Variants in TRPM6 observed in about 807,000 individuals in gnomAD.
TRPM6 encodes the protein channel kinase 2.
TRPM6 carries 111 observed loss-of-function variants against 247.6 expected under a neutral mutation model. That is an observed-to-expected ratio of 0.45 (90% CI 0.38 to 0.52). The LOEUF (loss-of-function observed/expected upper bound fraction) is 0.52, where lower values mean the gene tolerates loss of function less well. TRPM6 is among the 20% of genes least tolerant of loss of function. The pLI is 0.00. For synonymous variants in TRPM6, 892 were observed against 853.8 expected (o/e 1.04, Z -0.78); for missense variants, 2,126 against 2,421.5 (o/e 0.88, Z 2.56).
chr9:74,803,959 G>C lies in TRPM6; in HGVS notation c.1639-73C>G, dbSNP rs556317345. The C allele has an allele frequency of 6.8e-5, 65 of 952,028 alleles. 1 individual carries two copies. In the African/African-American group the frequency reaches 8.2e-4, roughly 12 times the overall value. 59.0% of individuals were successfully genotyped at this position (952,028 alleles called of 1,614,324 possible). ...TTTTATTTTTAAAATAAAACAAAAG[G>C]AGGGGAGATTATAGTGGTAACAATA... is the stretch of plus-strand genomic sequence containing the variant. On this transcript the variant is annotated intron_variant, in intron 14 of 38. Transcript: ENST00000360774.
intron 36 of TRPM6, among the ~76,000 whole-genome samples, chr9:74,736,456 A>T (rs7872294): frequency 6.6e-6 from 1 of 152,344 alleles, no homozygotes; most frequent in East Asian, 1.9e-4. Context: ...TTAAAAATAC[A>T]TTCTATTTTC....
intron 5 of TRPM6, among the ~76,000 whole-genome samples, chr9:74,835,764 T>G (rs535626953): frequency 3.6e-4 from 55 of 152,296 alleles, no homozygotes; most frequent in African/African-American, 1.1e-3. Context: ...GATTCCAATT[T>G]AGGCAATTTG....
intron 1 of TRPM6, among the ~76,000 whole-genome samples, chr9:74,879,424 A>G (rs1382217302): frequency 6.6e-6 from 1 of 152,074 alleles, no homozygotes; most frequent in Non-Finnish European, 1.5e-5. Flanking sequence ...TTCCTTGTTA[A>G]TAACTCCCAT....
At chr9:74,830,823 G>T (rs571784133) in intron 6 of TRPM6, among the ~76,000 whole-genome samples, 40 of 126,620 alleles carry the variant, frequency 3.2e-4, no homozygotes, top group African/African-American at 1.2e-3. Context: ...TCTCAAACTC[G>T]TGAGCTCAAG....
At chr9:74,875,411 C>G (rs112406191) in intron 1 of TRPM6, 2 of 325,940 alleles carry the variant, frequency 6.1e-6, no homozygotes, top group Non-Finnish European at 1.3e-5. Flanking sequence ...GACGTGGTGG[C>G]GCACGCCTAT....
At chr9:74,827,603 T>C in intron 7 of TRPM6, 175 bp downstream of exon 7, 2 of 720,696 alleles carry the variant, frequency 2.8e-6, no homozygotes, top group Middle Eastern at 2.4e-4. Context: ...TTGGATTGGA[T>C]ACATGGAGGG....
intron 38 of TRPM6, among the ~76,000 whole-genome samples, chr9:74,727,296 C>T (rs946873741): frequency 4.0e-5 from 6 of 150,090 alleles, no homozygotes; most frequent in Admixed American, 1.3e-4. Flanking sequence ...GCAGGAGAAT[C>T]GCTTGAACCC....
At chr9:74,855,618 A>T (rs1830501878) in intron 2 of TRPM6, 53 bp from the exon 3 acceptor site, 1 of 1,138,946 alleles carries the variant, frequency 8.8e-7, no homozygotes, top group Non-Finnish European at 1.3e-6. Context: ...CTGAAAATAC[A>T]TTTAATGCTT....
chr9:74,845,587 T>C (rs1463109931), intron 3 of TRPM6, among the ~76,000 whole-genome samples: 2 of 152,006 alleles, frequency 1.3e-5, no homozygotes, highest in African/African-American at 4.8e-5. Context: ...TTCCAGCACA[T>C]TGGGAGGGTG....
At chr9:74,846,735 G>C (rs895615207) in intron 3 of TRPM6, among the ~76,000 whole-genome samples, 2 of 152,000 alleles carry the variant, frequency 1.3e-5, no homozygotes, top group Admixed American at 1.3e-4. Context: ...TTTTAGTAGA[G>C]ACAGGGTTTC....
chr9:74,810,947 A>G (rs867693151), intron 12 of TRPM6, 79 bp from the exon 13 acceptor site: 1 of 1,119,416 alleles, frequency 8.9e-7, no homozygotes, highest in Non-Finnish European at 1.4e-6. Context: ...TTCAGAATGC[A>G]TAAGTAACTG....
intron 6 of TRPM6, 53 bp from the exon 7 acceptor site, chr9:74,828,002 C>A: frequency 6.4e-7 from 1 of 1,574,304 alleles, no homozygotes; most frequent in Non-Finnish European, 8.7e-7. Context: ...CTTCCCCAGG[C>A]TCACCTGCTC....
chr9:74,745,612 A>G (rs903839146), intron 31 of TRPM6, among the ~76,000 whole-genome samples: 1 of 152,130 alleles, frequency 6.6e-6, no homozygotes, highest in Non-Finnish European at 1.5e-5. Context: ...GAGGGGCAGC[A>G]ATATGTATAA....
intron 1 of TRPM6, among the ~76,000 whole-genome samples, chr9:74,863,898 T>TA (rs1830766766): frequency 2.6e-5 from 4 of 151,334 alleles, no homozygotes; most frequent in Non-Finnish European, 4.4e-5. Flanking sequence ...CTTTTTTTTT[T>TA]TAAAAAAACA....
chr9:74,758,647 G>A lies in TRPM6; in HGVS notation c.4785+3049C>T, dbSNP rs559509668. 1.3e-4 allele frequency among the ~76,000 whole-genome samples: 20 copies of A among 152,226 alleles called. No homozygotes were observed. The South Asian group carries it at 4.1e-3, about 32-fold the overall frequency. On this transcript the variant is annotated intron_variant, in intron 27 of 38. Coordinates refer to ENST00000360774, the MANE Select transcript of TRPM6 (RefSeq NM_017662.5). ...AGGAAAGTTTTCACCCTGATAAGGG[G>A]CATCTATAGAAAAACCTATAGCTAA...
chr9:74,794,662 T>A (rs189304154), intron 18 of TRPM6, among the ~76,000 whole-genome samples: 23 of 152,318 alleles, frequency 1.5e-4, no homozygotes, highest in Non-Finnish European at 2.5e-4. Flanking sequence ...GAGTGTTTCA[T>A]TAGCTCTTAA....
chr9:74,800,079 T>C (rs1345039441), intron 17 of TRPM6, 175 bp downstream of exon 17: 2 of 652,108 alleles, frequency 3.1e-6, no homozygotes, highest in East Asian at 5.5e-5. Flanking sequence ...GGAAGACCAA[T>C]CTTCTGTCAA....
Position 74,837,402 on chromosome 9 carries a change from G to T in TRPM6, c.544+2622C>A, listed in dbSNP as rs992075949. 7.9e-5 allele frequency among the ~76,000 whole-genome samples: 12 copies of T among 152,140 alleles called. 1 individual carries two copies. The highest frequency in any genetic ancestry group is 6.5e-4 in the Admixed American group (10 of 15,278). ...ATCCTTAAGTAGCCAGGCCATAGAG[G>T]AGCTGTGGTTGAATCAGGTTAGCCT... is the stretch of plus-strand genomic sequence containing the variant. On this transcript the variant is annotated intron_variant, in intron 5 of 38. Coordinates refer to ENST00000360774, the MANE Select transcript of TRPM6 (RefSeq NM_017662.5).
Position 74,747,001 on chromosome 9 carries a change from G to C in TRPM6, c.5083+888C>G, listed in dbSNP as rs138997124. ...ACAAAGAAGTAGAACAGCCAAAGAA[G>C]AAGAGCCTCAAGGAAACATAGAAAA... On this transcript the variant is annotated intron_variant, in intron 31 of 38. Coordinates refer to ENST00000360774, the MANE Select transcript of TRPM6 (RefSeq NM_017662.5). Among the ~76,000 whole-genome samples, 1,176 of 148,802 alleles carry C rather than the reference G, an allele frequency of 7.9e-3. 11 individuals carry two copies. Among genetic ancestry groups the C allele is most frequent in the African/African-American group, 0.029 (1,125 of 38,292 alleles).
Sources: allele counts gnomAD v4.1 joint callset (sites outside exome capture counted in the v4.1 genomes callset), GRCh38; gene constraint gnomAD v4.1.1; transcripts MANE v1.5; gene names NCBI Gene and HGNC (gene_info 2026-07-23, HGNC 2026-07-21).